Variants in SLCO3A1 observed in about 807,000 individuals in gnomAD.
SLCO3A1 encodes PGE1 transporter.
SLCO3A1 carries 27 observed loss-of-function variants against 63.1 expected under a neutral mutation model. That is an observed-to-expected ratio of 0.43 (90% CI 0.32 to 0.59). The LOEUF is 0.59. Among genes scored for constraint, SLCO3A1 ranks in the 20% least tolerant of loss-of-function variants. SLCO3A1 has a pLI of 0.09. For missense variants in SLCO3A1, 773 were observed against 945.8 expected (o/e 0.82, Z 2.40); for synonymous variants, 473 against 409.9 (o/e 1.15, Z -1.86).
intron 2 of SLCO3A1, among the ~76,000 whole-genome samples, chr15:91,982,010 A>G (rs1388863658): frequency 6.6e-6 from 1 of 152,266 alleles, no homozygotes; most frequent in African/African-American, 2.4e-5. Context: ...AGTTATGCAC[A>G]TCATTGCAGG....
intron 2 of SLCO3A1, among the ~76,000 whole-genome samples, chr15:92,091,469 A>C (rs1016757838): frequency 5.9e-5 from 9 of 152,292 alleles, no homozygotes; most frequent in Non-Finnish European, 1.2e-4. Flanking sequence ...GAACAAAATC[A>C]CAGCCTGGCA....
chr15:92,008,466 G>A (rs975943758), intron 2 of SLCO3A1, among the ~76,000 whole-genome samples: 2 of 152,200 alleles, frequency 1.3e-5, no homozygotes, highest in Admixed American at 1.3e-4. Flanking sequence ...GAAGTATCTA[G>A]CTGAGTTGCA....
Position 91,986,903 on chromosome 15 carries a change from A to G in SLCO3A1, c.646+70445A>G, listed in dbSNP as rs540955570. The stretch of plus-strand genomic sequence containing the variant: ...GGCATATGGGGAGAAGGGTATCTCC[A>G]TTTGTACCTTTGCCCATAAATTCTG... On this transcript the variant is annotated intron_variant, in intron 2 of 9. Coordinates refer to ENST00000318445, the MANE Select transcript of SLCO3A1 (RefSeq NM_013272.4). Among the ~76,000 whole-genome samples the G allele has an allele frequency of 5.9e-5, 9 of 152,320 alleles. No individual in the cohort carries two copies. In the South Asian group the frequency reaches 1.9e-3, roughly 32 times the overall value.
At chr15:92,037,558 C>A (rs1039514530) in intron 2 of SLCO3A1, among the ~76,000 whole-genome samples, 2 of 152,200 alleles carry the variant, frequency 1.3e-5, no homozygotes, top group Non-Finnish European at 2.9e-5. Context: ...TTAACCTCCA[C>A]CCCCAGCATG....
intron 1 of SLCO3A1, among the ~76,000 whole-genome samples, chr15:91,907,722 C>T (rs1208049114): frequency 6.6e-6 from 1 of 152,006 alleles, no homozygotes; most frequent in Non-Finnish European, 1.5e-5. Flanking sequence ...GACGGGGTTT[C>T]ACCATATTGG....
intron 1 of SLCO3A1, among the ~76,000 whole-genome samples, chr15:91,891,643 A>G (rs905733985): frequency 2.0e-5 from 3 of 152,206 alleles, no homozygotes; most frequent in South Asian, 2.1e-4. Flanking sequence ...AAATTAGTGA[A>G]TGTCTTACAG....
intron 2 of SLCO3A1, among the ~76,000 whole-genome samples, chr15:92,023,713 G>A (rs948979777): frequency 1.3e-5 from 2 of 152,150 alleles, no homozygotes; most frequent in Non-Finnish European, 2.9e-5. Flanking sequence ...AAGTGATCCA[G>A]CCGCCTCGGC....
chr15:91,934,444 C>T (rs537033396), intron 2 of SLCO3A1, among the ~76,000 whole-genome samples: 7 of 152,236 alleles, frequency 4.6e-5, no homozygotes, highest in East Asian at 1.9e-4. Flanking sequence ...TTCTTTGCAC[C>T]GGTTTTAATG....
chr15:92,121,406 C>G (rs983685078), intron 5 of SLCO3A1, among the ~76,000 whole-genome samples: 4 of 152,280 alleles, frequency 2.6e-5, no homozygotes, highest in Admixed American at 1.3e-4. Context: ...AACAATGGCT[C>G]TCAGGTTTCT....
rs1000853666 is a variant in SLCO3A1 at position 92,165,463 on chromosome 15, G to A, written c.*2328G>A. On this transcript the variant is annotated 3_prime_UTR_variant, in exon 10 of 10. Transcript: ENST00000318445. ...TCAAACTCAGTACACACACACTGAG[G>A]CCCTTTGACCTAGTGTTTTATGGAA... is the stretch of plus-strand genomic sequence containing the variant. 2 of 981,068 alleles carry A rather than the reference G, an allele frequency of 2.0e-6. No homozygotes were observed. The highest frequency in any genetic ancestry group is 2.4e-6 in the Non-Finnish European group (2 of 826,214). 60.8% of individuals were successfully genotyped at this position (981,068 alleles called of 1,614,324 possible).
intron 3 of SLCO3A1, among the ~76,000 whole-genome samples, chr15:92,095,691 G>C (rs2047530056): frequency 1.3e-5 from 2 of 152,080 alleles, no homozygotes; most frequent in Admixed American, 1.3e-4. Context: ...TTTATTTCTT[G>C]GTCACACTAC....
rs1477866390 is a variant in SLCO3A1 at position 91,894,556 on chromosome 15, A to G, written c.181-21437A>G. Reference sequence around the variant, plus strand: ...TAGATGTCTGAAGGCAGCAGAGGCAATGGAGGAGGGTCCCCAGCACTGTGT... The same window carrying G: ...TAGATGTCTGAAGGCAGCAGAGGCAGTGGAGGAGGGTCCCCAGCACTGTGT... On this transcript the variant is annotated intron_variant, in intron 1 of 9. Coordinates refer to ENST00000318445, the MANE Select transcript of SLCO3A1 (RefSeq NM_013272.4). The surrounding 1 kb of genome is among the most constrained non-coding windows in gnomAD (Gnocchi z 4.8). 6.6e-6 allele frequency among the ~76,000 whole-genome samples: 1 copy of G among 152,116 alleles called. No homozygotes were observed. The highest frequency in any genetic ancestry group is 1.5e-5 in the Non-Finnish European group (1 of 68,018).
In SLCO3A1 at chr15:92,120,728, C is replaced by T. The variant is rs1206181018; in HGVS notation, c.1174+99C>T. The T allele has an allele frequency of 2.1e-5, 20 of 972,976 alleles. 1 individual carries two copies. The highest frequency in any genetic ancestry group is 2.7e-5 in the Non-Finnish European group (17 of 629,096). 60.3% of individuals were successfully genotyped at this position (972,976 alleles called of 1,614,324 possible). On this transcript the variant is annotated intron_variant, in intron 5 of 9. Transcript: ENST00000318445. ...AGCCCTGCTGAAGAACCCCACTCTG[C>T]TCTGGGCCTACAGCAACAAGATATA...
intron 2 of SLCO3A1, among the ~76,000 whole-genome samples, chr15:92,040,006 C>A (rs28436228): frequency 6.6e-6 from 1 of 152,102 alleles, no homozygotes; most frequent in Non-Finnish European, 1.5e-5. Flanking sequence ...TAAGTGGGAG[C>A]TGAGCAGTGA....
intron 7 of SLCO3A1, among the ~76,000 whole-genome samples, chr15:92,136,829 T>C (rs2048063537): frequency 6.6e-6 from 1 of 152,200 alleles, no homozygotes; most frequent in South Asian, 2.1e-4. Flanking sequence ...TAAAAGGCCC[T>C]ATTCTGTACC....
intron 2 of SLCO3A1, among the ~76,000 whole-genome samples, chr15:91,946,197 T>TA (rs1899799393): frequency 6.6e-6 from 1 of 152,082 alleles, no homozygotes; most frequent in Non-Finnish European, 1.5e-5. Flanking sequence ...TGAGAAGACT[T>TA]AGAGATAATT....
At chr15:92,068,670 A>T (rs1342007651) in intron 2 of SLCO3A1, among the ~76,000 whole-genome samples, 2 of 152,170 alleles carry the variant, frequency 1.3e-5, no homozygotes, top group African/African-American at 4.8e-5. Flanking sequence ...GCCTCTGAAC[A>T]TGCTCCTTAT....
chr15:91,899,251 A>T (rs1898089509), intron 1 of SLCO3A1, among the ~76,000 whole-genome samples: 1 of 152,206 alleles, frequency 6.6e-6, no homozygotes, highest in Non-Finnish European at 1.5e-5. Flanking sequence ...GTGACTTAGA[A>T]GGGAAGCTAG....
At chr15:92,169,502 C>A (rs1225841946), downstream of SLCO3A1, among the ~76,000 whole-genome samples, 2 of 152,206 alleles carry the variant, frequency 1.3e-5, no homozygotes, top group Admixed American at 6.5e-5. Context: ...GGCTGTGTGT[C>A]CTTCTAACCC....
Sources: allele counts gnomAD v4.1 joint callset (sites outside exome capture counted in the v4.1 genomes callset), GRCh38; gene constraint gnomAD v4.1.1; non-coding constraint Gnocchi (gnomAD v3.1); transcripts MANE v1.5; gene names NCBI Gene and HGNC (gene_info 2026-07-23, HGNC 2026-07-21).